Variants in ABCC4 observed in about 807,000 individuals in gnomAD.
ABCC4 encodes the protein ATP binding cassette subfamily C member 4 (PEL blood group).
Under a neutral mutation model 168.5 loss-of-function variants are expected in ABCC4, and 102 were observed. That is an observed-to-expected ratio of 0.61 (90% confidence interval 0.52 to 0.71). The LOEUF is 0.71. Ranked by LOEUF, ABCC4 falls within the 30% of genes least tolerant of loss-of-function variation. The pLI, the probability that ABCC4 is intolerant of heterozygous loss-of-function variation, is 0.00. For missense variants in ABCC4, 1,402 were observed against 1,605.8 expected (o/e 0.87, Z 2.17); for synonymous variants, 617 against 590.7 (o/e 1.04, Z -0.65).
At chr13:95,279,739 C>A (rs1000004254) in intron 1 of ABCC4, among the ~76,000 whole-genome samples, 1 of 152,048 alleles carries the variant, frequency 6.6e-6, no homozygotes, top group African/African-American at 2.4e-5. Flanking sequence ...GATTTGCTGA[C>A]CCCAGTGGGT....
intron 14 of ABCC4, among the ~76,000 whole-genome samples, chr13:95,168,213 C>T (rs61965891): frequency 0.14 from 21,963 of 152,104 alleles, 1,894 homozygotes; most frequent in African/African-American, 0.24. Flanking sequence ...CACCCACAGA[C>T]TTTACTCTAA....
intron 1 of ABCC4, among the ~76,000 whole-genome samples, chr13:95,249,251 G>A (rs2040196098): frequency 6.7e-6 from 1 of 149,968 alleles, no homozygotes; most frequent in Non-Finnish European, 1.5e-5. Flanking sequence ...ACATATTTGT[G>A]CCCTATAAGG....
intron 27 of ABCC4, 123 bp from the exon 28 acceptor site, chr13:95,044,561 C>A: frequency 1.3e-6 from 1 of 762,756 alleles, no homozygotes; most frequent in Non-Finnish European, 2.0e-6. Flanking sequence ...TGGACACACA[C>A]ATGAGGCTGA....
At position 95,203,702 on chromosome 13, in the gene ABCC4, G is replaced by C. The variant is rs143280371; in HGVS notation, c.1161+2830C>G. ...GTCAGACATGGCCCCTCTCTTACAAGAGCAGGTCCACCAAGTCCAAGAGGG... is the reference window on the plus strand; with the variant it reads ...GTCAGACATGGCCCCTCTCTTACAACAGCAGGTCCACCAAGTCCAAGAGGG... On this transcript the variant is annotated intron_variant, in intron 8 of 30. Coordinates refer to ENST00000645237, the MANE Select transcript of ABCC4 (RefSeq NM_005845.5). Among the ~76,000 whole-genome samples the C allele has an allele frequency of 2.7e-3, 411 of 152,060 alleles. 4 individuals carry two copies. Among genetic ancestry groups the C allele is most frequent in the African/African-American group, 9.5e-3 (394 of 41,458 alleles).
intron 19 of ABCC4, among the ~76,000 whole-genome samples, chr13:95,159,369 G>A (rs2037010734): frequency 6.6e-6 from 1 of 151,752 alleles, no homozygotes; most frequent in Admixed American, 6.6e-5. Context: ...ACTTATTTGG[G>A]CTTCTATTTT....
At chr13:95,025,200 ACCCCCACACCC>A (rs2031362629) in intron 30 of ABCC4, among the ~76,000 whole-genome samples, 1 of 69,654 alleles carries the variant, frequency 1.4e-5, no homozygotes, top group Non-Finnish European at 2.6e-5. Flanking sequence ...CACACCACAC[ACCCCCACACCC>A]CCCACACACC....
intron 29 of ABCC4, among the ~76,000 whole-genome samples, chr13:95,042,919 G>A (rs1450197962): frequency 2.0e-5 from 3 of 152,170 alleles, no homozygotes; most frequent in Non-Finnish European, 4.4e-5. Flanking sequence ...ACAGGCGCCT[G>A]CCACCACATC....
Position 95,034,632 on chromosome 13 carries a change from G to C in ABCC4, c.3843C>G (p.Ala1281=), listed in dbSNP as rs199715614. Residue 1281 remains alanine, a synonymous_variant, in exon 30 of 31, where the codon GCC becomes GCG. Transcript: ENST00000645237. ...KMVQQLGKAE[A]AALTETAKQV... ...GTTTTGCTGTTTCAGTGAGGGCAGCGGCTTCTGCCTTGCCCAGTTGTTGCA... is the reference window on the plus strand; with the variant it reads ...GTTTTGCTGTTTCAGTGAGGGCAGCCGCTTCTGCCTTGCCCAGTTGTTGCA... The C allele has an allele frequency of 2.2e-5, 35 of 1,614,126 alleles. No homozygotes were observed. The highest frequency in any genetic ancestry group is 2.9e-5 in the Non-Finnish European group (34 of 1,180,032).
chr13:95,170,598 G>T lies in ABCC4; in HGVS notation c.1758C>A (p.Ile586=). Reference sequence around the variant, plus strand: ...GCAACTGATGAGTCACTAAAATTGTGATCTTCTCATGCAAAATTTGACAAA... The same window carrying T: ...GCAACTGATGAGTCACTAAAATTGTTATCTTCTCATGCAAAATTTGACAAA... ...LCICQILHEK[I]TILVTHQLQY... is the part of the protein sequence containing the mutation. The change falls in exon 14 of 31, where the codon ATC becomes ATA. Residue 586 remains isoleucine, a synonymous_variant. Coordinates refer to ENST00000645237, the MANE Select transcript of ABCC4 (RefSeq NM_005845.5). The T allele has an allele frequency of 6.2e-7, 1 of 1,611,798 alleles. No homozygotes were observed.
chr13:95,156,664 A>C (rs7988595), intron 19 of ABCC4, among the ~76,000 whole-genome samples: 33,617 of 152,116 alleles, frequency 0.22, 3,785 homozygotes, highest in Middle Eastern at 0.28. Flanking sequence ...TCAAAATATG[A>C]AGGAGGTGTC....
rs185415947 is a variant in ABCC4, at chr13:95,042,129, A to G, written c.3735+1553T>C. Among the ~76,000 whole-genome samples the G allele has an allele frequency of 2.6e-5, 4 of 152,200 alleles. No homozygotes were observed. The East Asian group carries it at 7.7e-4, about 29-fold the overall frequency. ...AAGGAAAGCTCCATGTTGAAATGCAAGGTCATCTCAACAGTTACATCCTCC... is the reference window on the plus strand; with the variant it reads ...AAGGAAAGCTCCATGTTGAAATGCAGGGTCATCTCAACAGTTACATCCTCC... On this transcript the variant is annotated intron_variant, in intron 29 of 30. Transcript: ENST00000645237.
chr13:95,135,014 C>T (rs1162623444), intron 19 of ABCC4, among the ~76,000 whole-genome samples: 3 of 152,136 alleles, frequency 2.0e-5, no homozygotes, highest in African/African-American at 7.2e-5. Context: ...CAAGTGACAT[C>T]TGTTTTAATT....
chr13:95,160,133 G>C (rs1014280678), intron 19 of ABCC4, among the ~76,000 whole-genome samples: 1 of 152,218 alleles, frequency 6.6e-6, no homozygotes, highest in African/African-American at 2.4e-5. Flanking sequence ...ATAACAATTA[G>C]TAACCAGCAC....
At chr13:95,094,588 A>C (rs2139357342) in intron 20 of ABCC4, among the ~76,000 whole-genome samples, 2 of 152,208 alleles carry the variant, frequency 1.3e-5, no homozygotes, top group South Asian at 2.1e-4. Flanking sequence ...CATTGGAAAA[A>C]CCCTTCTAGA....
rs75593850 is a variant in ABCC4, at chr13:95,089,057, G to A, written c.2536-5767C>T. On this transcript the variant is annotated intron_variant, in intron 20 of 30. Coordinates refer to ENST00000645237, the MANE Select transcript of ABCC4 (RefSeq NM_005845.5). ...TTAAAAAGAATATATAATAAACACC[G>A]TTCCAATAAATTAAAAATTTTGATG... 3.3e-3 allele frequency among the ~76,000 whole-genome samples: 497 copies of A among 152,046 alleles called. 12 individuals are homozygous for A. In the East Asian group the frequency reaches 0.053, roughly 16 times the overall value.
chr13:95,211,527 G>A (rs2038956712), intron 4 of ABCC4, among the ~76,000 whole-genome samples: 1 of 152,144 alleles, frequency 6.6e-6, no homozygotes, highest in South Asian at 2.1e-4. Flanking sequence ...AGGATGTGGA[G>A]GCTGCTGAAT....
intron 3 of ABCC4, among the ~76,000 whole-genome samples, chr13:95,238,461 G>A (rs1385949749): frequency 2.0e-5 from 3 of 152,032 alleles, no homozygotes; most frequent in East Asian, 1.9e-4. Flanking sequence ...CCCCATCCCC[G>A]GAAGATTCTG....
At chr13:95,106,132 A>T (rs887787727) in intron 20 of ABCC4, among the ~76,000 whole-genome samples, 2 of 152,104 alleles carry the variant, frequency 1.3e-5, no homozygotes, top group Non-Finnish European at 2.9e-5. Flanking sequence ...AGCTCTCTAT[A>T]GGTTCAACTA....
chr13:95,071,675 T>C lies in ABCC4; in HGVS notation c.3197A>G (p.Lys1066Arg). ...LVLKHLTALIKSQEKVGIVGR... is the reference protein window; with the variant it reads ...LVLKHLTALIRSQEKVGIVGR... ...CTTTAAACAAACCTTTTCTTGTGAT[T>C]TAATGAGTGCTGTCAGATGCTTCAG... Residue 1066 changes from lysine to arginine, a missense_variant, in exon 25 of 31, where the codon AAA (lysine) becomes AGA (arginine). Physicochemically the swap from Lys to Arg is conservative, Grantham distance 26. Around this residue, in one of 3 missense-constraint regions of ABCC4, gnomAD observed 1,007 missense variants for 1,127.3 expected, o/e 0.89. Coordinates refer to ENST00000645237, the MANE Select transcript of ABCC4 (RefSeq NM_005845.5). 6.9e-7 allele frequency: 1 copy of C among 1,455,566 alleles called. No homozygotes were observed. Among genetic ancestry groups the C allele is most frequent in the Non-Finnish European group, 9.1e-7 (1 of 1,101,092 alleles). 90.2% of individuals were successfully genotyped at this position (1,455,566 alleles called of 1,614,324 possible).
Sources: gnomAD v4.1 joint callset for allele counts (sites outside exome capture counted in the v4.1 genomes callset) on GRCh38, gnomAD v4.1.1 for gene constraint, gnomAD v4.1.1 regional missense constraint, MANE v1.5 for transcripts, NCBI Gene and HGNC (gene_info 2026-07-23, HGNC 2026-07-21) for gene names.